Variants in FHIT observed in about 807,000 individuals in gnomAD.
FHIT encodes fragile histidine triad diadenosine triphosphatase.
FHIT carries 19 observed loss-of-function variants against 17.9 expected under a neutral mutation model. That is an observed-to-expected ratio of 1.06 (90% CI 0.74 to 1.56). FHIT has a LOEUF of 1.56. FHIT is among the 40% of genes most tolerant of loss of function. FHIT has a pLI of 0.00. For missense variants in FHIT, 248 were observed against 189.2 expected (o/e 1.31, Z -1.82); for synonymous variants, 81 against 69.7 (o/e 1.16, Z -0.81).
In FHIT at chr3:59,962,276, T is replaced by G. The variant is rs998414294; in HGVS notation, c.280-39862A>C. On this transcript the variant is annotated intron_variant, in intron 7 of 9. Coordinates refer to ENST00000492590, the MANE Select transcript of FHIT (RefSeq NM_002012.4). ...GTTTTTGAGCAAAAGTGCTGTCAAC[T>G]AGAGATGGGGCTCTTGGAAAATACT... Among the ~76,000 whole-genome samples the G allele has an allele frequency of 4.6e-5, 7 of 152,224 alleles. No individual in the cohort carries two copies. The East Asian group carries it at 7.7e-4, about 17-fold the overall frequency.
At chr3:60,748,734 C>T (rs556608629) in intron 4 of FHIT, among the ~76,000 whole-genome samples, 1 of 152,232 alleles carries the variant, frequency 6.6e-6, no homozygotes, top group Admixed American at 6.5e-5. Context: ...AATGCTTGAA[C>T]CCGAGAGGCA....
chr3:61,175,127 A>T (rs2107146913), intron 2 of FHIT, among the ~76,000 whole-genome samples: 1 of 152,348 alleles, frequency 6.6e-6, no homozygotes, highest in East Asian at 1.9e-4. Context: ...CAGAAGGGAA[A>T]AAAAAGCAGA....
intron 2 of FHIT, among the ~76,000 whole-genome samples, chr3:61,182,387 T>C (rs1176813922): frequency 6.6e-6 from 1 of 152,210 alleles, no homozygotes; most frequent in Non-Finnish European, 1.5e-5. Context: ...ACATTTCTCT[T>C]TAAATCAACT....
intron 8 of FHIT, among the ~76,000 whole-genome samples, chr3:59,785,474 T>C (rs1702804168): frequency 6.6e-6 from 1 of 152,086 alleles, no homozygotes; most frequent in South Asian, 2.1e-4. Flanking sequence ...CATACCCAGC[T>C]AATTTTTGTA....
At chr3:60,324,500 G>A (rs1273647844) in intron 5 of FHIT, among the ~76,000 whole-genome samples, 2 of 148,678 alleles carry the variant, frequency 1.3e-5, no homozygotes, top group Non-Finnish European at 3.0e-5. Context: ...CAGAAGAATG[G>A]CCTGAACCCA....
intron 8 of FHIT, among the ~76,000 whole-genome samples, chr3:59,822,414 G>T (rs902000099): frequency 2.0e-5 from 3 of 152,090 alleles, no homozygotes; most frequent in African/African-American, 7.2e-5. Flanking sequence ...ATTCCCATCA[G>T]CAGTGTAGAG....
At chr3:59,838,901 C>A (rs982045300) in intron 8 of FHIT, among the ~76,000 whole-genome samples, 8 of 152,076 alleles carry the variant, frequency 5.3e-5, no homozygotes, top group African/African-American at 1.7e-4. Context: ...CCAGCCCCTG[C>A]CTCTACACTT....
At chr3:60,630,764 C>G (rs1553682207) in intron 4 of FHIT, among the ~76,000 whole-genome samples, 2 of 151,968 alleles carry the variant, frequency 1.3e-5, no homozygotes, top group Non-Finnish European at 2.9e-5. Context: ...CAAGACTGAC[C>G]CACTCCTTGT....
chr3:60,690,165 GC>G (rs2107883141), intron 4 of FHIT: 1 of 445,410 alleles, frequency 2.2e-6, no homozygotes, highest in South Asian at 1.9e-5. Context: ...GTGGAGGGGT[GC>G]TCCCCTGAGC....
At chr3:60,089,736 C>A (rs1703651112) in intron 5 of FHIT, among the ~76,000 whole-genome samples, 1 of 152,188 alleles carries the variant, frequency 6.6e-6, no homozygotes, top group East Asian at 1.9e-4. Context: ...GTCCTAGCAT[C>A]TTGTTTCTGA....
chr3:60,018,478 C>A (rs570507468), intron 5 of FHIT, among the ~76,000 whole-genome samples: 4 of 152,134 alleles, frequency 2.6e-5, no homozygotes, highest in Admixed American at 6.5e-5. Flanking sequence ...CTCTTGGAAG[C>A]CTGAGACCAA....
At chr3:61,060,111 C>A (rs1319309245) in intron 2 of FHIT, among the ~76,000 whole-genome samples, 2 of 152,240 alleles carry the variant, frequency 1.3e-5, no homozygotes, top group Middle Eastern at 3.4e-3. Flanking sequence ...AGACCCTCAA[C>A]TGGAATATAA....
chr3:60,440,292 G>T (rs2030678534), intron 5 of FHIT, among the ~76,000 whole-genome samples: 1 of 151,974 alleles, frequency 6.6e-6, no homozygotes, highest in Non-Finnish European at 1.5e-5. Context: ...GGGAAATTGG[G>T]CTTGTTACAT....
intron 4 of FHIT, among the ~76,000 whole-genome samples, chr3:60,539,247 A>C (rs920437288): frequency 3.4e-4 from 52 of 152,292 alleles, no homozygotes; most frequent in African/African-American, 1.1e-3. Context: ...AATGAGATAC[A>C]ATCTCACACC....
intron 2 of FHIT, among the ~76,000 whole-genome samples, chr3:61,095,885 G>A (rs1237871833): frequency 6.6e-6 from 1 of 152,132 alleles, no homozygotes; most frequent in Admixed American, 6.5e-5. Flanking sequence ...CTATAGAGAA[G>A]TTCATTACAA....
intron 3 of FHIT, among the ~76,000 whole-genome samples, chr3:61,041,109 G>A (rs376343024): frequency 7.9e-5 from 12 of 152,190 alleles, no homozygotes; most frequent in East Asian, 5.8e-4. Context: ...GGCTGGGCAC[G>A]GTGGCTCACA....
intron 8 of FHIT, among the ~76,000 whole-genome samples, chr3:59,910,475 C>A (rs1202592542): frequency 6.6e-6 from 1 of 152,146 alleles, no homozygotes; most frequent in Admixed American, 6.5e-5. Context: ...CACATTTCCC[C>A]CCCTTCTCTT....
At chr3:60,899,582 A>C (rs1418317190) in intron 3 of FHIT, among the ~76,000 whole-genome samples, 1 of 152,150 alleles carries the variant, frequency 6.6e-6, no homozygotes, top group African/African-American at 2.4e-5. Context: ...TGCTCCTAAA[A>C]CTGGAGCCAA....
intron 4 of FHIT, among the ~76,000 whole-genome samples, chr3:60,727,136 T>G (rs782665400): frequency 7.9e-5 from 12 of 152,164 alleles, no homozygotes; most frequent in Admixed American, 4.6e-4. Flanking sequence ...AAAACCATTA[T>G]AGAGAATGCA....
Sources: allele counts gnomAD v4.1 joint callset (sites outside exome capture counted in the v4.1 genomes callset), GRCh38; gene constraint gnomAD v4.1.1; transcripts MANE v1.5; gene names NCBI Gene and HGNC (gene_info 2026-07-23, HGNC 2026-07-21).